The following NF1 variants were observed in gnomAD, a reference collection of about 807,000 sequenced individuals.
The protein encoded by NF1 is neurofibromin.
Under a neutral mutation model 325.7 loss-of-function variants are expected in NF1, and 122 were observed. The ratio of observed to expected loss-of-function variants is 0.37; its 90% CI spans 0.32 to 0.44. The LOEUF (loss-of-function observed/expected upper bound fraction) is 0.44. Among genes scored for constraint, NF1 ranks in the 20% least tolerant of loss-of-function variants. NF1 has a pLI of 1.00. For missense variants in NF1, 2,140 were observed against 3,415.4 expected (o/e 0.63, Z 9.31); for synonymous variants, 1,091 against 1,186.0 (o/e 0.92, Z 1.65).
At position 31,358,951 on chromosome 17, in the gene NF1, A is replaced by G. The variant is rs775834346; in HGVS notation, c.8114-18A>G. 8 of 1,611,344 alleles carry G rather than the reference A, an allele frequency of 5.0e-6. No homozygotes were observed. Among genetic ancestry groups the G allele is most frequent in the Non-Finnish European group, 6.8e-6 (8 of 1,177,646 alleles). ...AGATACCTTGCTTGTTATAAGAGTA[A>G]AATTTGATTTGTTGCAGGTTTTGGT... is the stretch of plus-strand genomic sequence containing the variant. On this transcript the variant is annotated intron_variant, in intron 55 of 57. Transcript: ENST00000358273.
rs587781499 is a variant in NF1, at chr17:31,229,886, A to G, written c.2902A>G (p.Met968Val). The G allele has an allele frequency of 9.3e-6, 15 of 1,611,812 alleles. No individual in the cohort carries two copies. The highest frequency in any genetic ancestry group is 3.3e-5 in the South Asian group (3 of 90,990). The change falls in exon 22 of 58, where the codon ATG becomes GTG. Residue 968 changes from methionine (M) to valine (V), a missense_variant. Transcript: ENST00000358273. ...ATTTGTAGAACAAACCATAGCTATA[A>G]TGAAGAACTTGCTAGATAATCATAC... ...TQFVEQTIAI[M>V]KNLLDNHTEG...
chr17:31,235,751 A>G lies in NF1; in HGVS notation c.3849A>G (p.Lys1283=), dbSNP rs1597722644. 1 of 1,614,152 alleles carries G rather than the reference A, an allele frequency of 6.2e-7. No individual in the cohort carries two copies. Among genetic ancestry groups the G allele is most frequent in the Non-Finnish European group, 8.5e-7 (1 of 1,180,020 alleles). The part of the protein sequence containing the change: ...TLFRGNSLAS[K]IMTFCFKVYG... ...TCCGAGGCAACAGCTTGGCCAGTAA[A>G]ATAATGACATTCTGTTTCAAGGTTT... The change falls in exon 28 of 58, where the codon AAA becomes AAG. Residue 1283 remains lysine, a synonymous_variant. Coordinates refer to ENST00000358273, the MANE Select transcript of NF1 (RefSeq NM_001042492.3).
At chr17:31,249,923 A>T (rs1351858854) in intron 30 of NF1, 1 of 485,306 alleles carries the variant, frequency 2.1e-6, no homozygotes, top group South Asian at 1.5e-5. Context: ...ACAGTTATCA[A>T]AACCCATGTC....
At chr17:31,250,081 A>G (rs756174227) in intron 30 of NF1, 3 of 483,164 alleles carry the variant, frequency 6.2e-6, no homozygotes, top group South Asian at 1.6e-5. Context: ...CACCATTGCT[A>G]TTTTTAAAGA....
At chr17:31,200,690 A>T in intron 9 of NF1, 95 bp downstream of exon 9, 1 of 1,379,904 alleles carries the variant, frequency 7.2e-7, no homozygotes, top group Non-Finnish European at 1.0e-6. Context: ...CTAACATTAA[A>T]GTTCTGACTC....
intron 1 of NF1, among the ~76,000 whole-genome samples, chr17:31,154,053 A>ATT (rs67332557): frequency 0.015 from 795 of 52,736 alleles, 94 homozygotes; most frequent in African/African-American, 0.027. Flanking sequence ...AGTTTCTTTG[A>ATT]TTTTTTTTTT....
At chr17:31,273,661 A>G (rs2067947174) in intron 36 of NF1, 1 of 152,196 alleles carries the variant, frequency 6.6e-6, no homozygotes, top group African/African-American at 2.4e-5. Context: ...ACTGCATGCT[A>G]TTTAAATATA....
At chr17:31,195,937 G>A (rs2066427105) in intron 8 of NF1, among the ~76,000 whole-genome samples, 1 of 151,976 alleles carries the variant, frequency 6.6e-6, no homozygotes, top group Non-Finnish European at 1.5e-5. Context: ...TAATTCTTCT[G>A]AATATATATC....
At position 31,181,767 on chromosome 17, in the gene NF1, C is replaced by G. The variant is rs1060500365; in HGVS notation, c.712C>G (p.Pro238Ala). The change falls in exon 7 of 58, where the codon CCA becomes GCA. Residue 238 changes from proline to alanine, a missense_variant. Coordinates refer to ENST00000358273, the MANE Select transcript of NF1 (RefSeq NM_001042492.3). ...PDEFTKLYQI[P>A]QTDMAECAEK... ...TGAATTTACAAAACTGTACCAGATC[C>G]CACAGACTGATATGGCTGGTAAGGA... 1 of 1,607,608 alleles carries G rather than the reference C, an allele frequency of 6.2e-7. No individual in the cohort carries two copies. The highest frequency in any genetic ancestry group is 8.5e-7 in the Non-Finnish European group (1 of 1,174,770).
chr17:31,155,857 C>G (rs2065650740), intron 1 of NF1, 126 bp from the exon 2 acceptor site: 2 of 1,063,240 alleles, frequency 1.9e-6, no homozygotes, highest in Non-Finnish European at 2.7e-6. Context: ...GTTTGAGATG[C>G]AAGTATAGGT....
chr17:31,115,410 C>T (rs1327321154), intron 1 of NF1, among the ~76,000 whole-genome samples: 3 of 152,174 alleles, frequency 2.0e-5, no homozygotes, highest in Non-Finnish European at 4.4e-5. Flanking sequence ...TGCTTGGGAA[C>T]CAAGGCCTCC....
rs57143322 is a variant in NF1 at position 31,096,298 on chromosome 17, T to C, written c.60+929T>C. 2.2e-3 allele frequency among the ~76,000 whole-genome samples: 338 copies of C among 150,528 alleles called. 4 individuals carry two copies. Among genetic ancestry groups the C allele is most frequent in the African/African-American group, 7.6e-3 (303 of 39,908 alleles). ...GATGTGGTCCTGGAGCGGATCATTC[T>C]GCTAGTGTTTGTGGTTGTTTTTGAC... On this transcript the variant is annotated intron_variant, in intron 1 of 57. Transcript: ENST00000358273.
intron 57 of NF1, among the ~76,000 whole-genome samples, chr17:31,372,645 C>G (rs1383985847): frequency 1.3e-5 from 2 of 152,120 alleles, no homozygotes; most frequent in Non-Finnish European, 2.9e-5. Context: ...GTAATCTTTC[C>G]TAATGTGATA....
chr17:31,305,128 A>C (rs754966319), intron 36 of NF1: 2 of 1,614,128 alleles, frequency 1.2e-6, no homozygotes, highest in Non-Finnish European at 1.7e-6. Context: ...ATGAACAGTT[A>C]TTTGTTTTCT....
In NF1 at chr17:31,229,478, C is replaced by T. The variant is rs777295195; in HGVS notation, c.2850+13C>T. The T allele has an allele frequency of 4.3e-6, 7 of 1,611,186 alleles. No homozygotes were observed. The Admixed American group carries it at 1.0e-4, about 23-fold the overall frequency. On this transcript the variant is annotated intron_variant, in intron 21 of 57. Coordinates refer to ENST00000358273, the MANE Select transcript of NF1 (RefSeq NM_001042492.3). ...CTCCCAAGGACAGGTAAAGTGTTCTCTTATTTTTCACCTTTCTCTATGAAT... is the reference window on the plus strand; with the variant it reads ...CTCCCAAGGACAGGTAAAGTGTTCTTTTATTTTTCACCTTTCTCTATGAAT...
chr17:31,322,780 C>T (rs972054104), intron 36 of NF1, among the ~76,000 whole-genome samples: 3 of 152,146 alleles, frequency 2.0e-5, no homozygotes, highest in East Asian at 3.8e-4. Flanking sequence ...GCTTAGTATA[C>T]AACACATCAT....
chr17:31,223,581 C>T lies in NF1; in HGVS notation c.1845+14C>T, dbSNP rs1057523395. 6.2e-7 allele frequency: 1 copy of T among 1,607,672 alleles called. No individual in the cohort carries two copies. The highest frequency in any genetic ancestry group is 8.5e-7 in the Non-Finnish European group (1 of 1,175,036). On this transcript the variant is annotated intron_variant, in intron 16 of 57. Coordinates refer to ENST00000358273, the MANE Select transcript of NF1 (RefSeq NM_001042492.3). The stretch of plus-strand genomic sequence containing the variant: ...CTTAAAAATAAGGTAAGCAAAATGA[C>T]ATATTTAAAAAATGGAAGAATATTT...
At chr17:31,166,890 G>A (rs2065855925) in intron 4 of NF1, among the ~76,000 whole-genome samples, 2 of 152,098 alleles carry the variant, frequency 1.3e-5, no homozygotes, top group Admixed American at 6.6e-5. Context: ...GCTGGGTCAT[G>A]TACTTGTGCA....
intron 1 of NF1, among the ~76,000 whole-genome samples, chr17:31,109,226 A>G (rs2143281502): frequency 6.6e-6 from 1 of 152,064 alleles, no homozygotes; most frequent in Non-Finnish European, 1.5e-5. Context: ...CACTGACCAC[A>G]TTTCTCTTAC....
Sources: allele counts gnomAD v4.1 joint callset (sites outside exome capture counted in the v4.1 genomes callset), GRCh38; gene constraint gnomAD v4.1.1; transcripts MANE v1.5; gene names NCBI Gene and HGNC (gene_info 2026-07-23, HGNC 2026-07-21).